Variants in CHAT observed in about 807,000 individuals in gnomAD.
The protein encoded by CHAT is acetyl CoA:choline O-acetyltransferase.
A neutral mutation model predicts 76.9 loss-of-function variants in CHAT; 61 were observed. That is an observed-to-expected ratio of 0.79 (90% CI 0.65 to 0.98). CHAT has a LOEUF of 0.98. CHAT is among the 50% of genes least tolerant of loss of function. CHAT has a pLI of 0.00. For missense variants in CHAT, 946 were observed against 986.9 expected (o/e 0.96, Z 0.56); for synonymous variants, 407 against 397.4 (o/e 1.02, Z -0.29).
intron 7 of CHAT, among the ~76,000 whole-genome samples, chr10:49,645,894 C>G (rs1370653832): frequency 6.6e-6 from 1 of 152,186 alleles, no homozygotes; most frequent in Non-Finnish European, 1.5e-5. Context: ...ACAAGCTCAT[C>G]CAGATGTGGG....
upstream of CHAT, chr10:49,611,738 C>T (rs1838302907): frequency 1.2e-6 from 2 of 1,605,116 alleles, no homozygotes; most frequent in Non-Finnish European, 1.7e-6. Context: ...GCCTGGCTGC[C>T]GGCCTTCGTG....
chr10:49,622,287 C>A, intron 5 of CHAT, 137 bp downstream of exon 5: 1 of 892,836 alleles, frequency 1.1e-6, no homozygotes, highest in Non-Finnish European at 1.9e-6. Context: ...CTGCCCCAAC[C>A]CACTCCCCCA....
rs1437809529 is a variant in CHAT at position 49,616,510 on chromosome 10, C to A, written c.295C>A (p.Leu99Ile). ...CACTTCTTGGTCCCCAGGTCCACACCTCTGCATCCCTGCACCAGGACTCAC... is the reference window on the plus strand; with the variant it reads ...CACTTCTTGGTCCCCAGGTCCACACATCTGCATCCCTGCACCAGGACTCAC... Reference protein sequence around the residue: ...AAEPRRAGPHLCIPAPGLTKT... With the variant: ...AAEPRRAGPHICIPAPGLTKT... Residue 99 changes from leucine (L) to isoleucine (I), a missense_variant, in exon 2 of 15, where the codon CTC becomes ATC. Leu to Ile is a conservative substitution (Grantham distance 5, BLOSUM62 2). Coordinates refer to ENST00000337653, the MANE Select transcript of CHAT (RefSeq NM_020549.5). 6.2e-7 allele frequency: 1 copy of A among 1,611,838 alleles called. No homozygotes were observed. Among genetic ancestry groups the A allele is most frequent in the Non-Finnish European group, 8.5e-7 (1 of 1,178,860 alleles).
upstream of CHAT, chr10:49,611,518 C>A (rs763428286): frequency 6.2e-7 from 1 of 1,601,772 alleles, no homozygotes; most frequent in South Asian, 1.1e-5. Context: ...GCTGTTGCTG[C>A]TGGCAGTGGC....
intron 6 of CHAT, among the ~76,000 whole-genome samples, chr10:49,627,352 A>G (rs1284022675): frequency 6.6e-6 from 1 of 152,258 alleles, no homozygotes; most frequent in African/African-American, 2.4e-5. Context: ...CCCCACAAAC[A>G]TAATGGATTC....
chr10:49,634,099 C>T (rs574076518), intron 7 of CHAT, among the ~76,000 whole-genome samples: 8 of 152,344 alleles, frequency 5.3e-5, no homozygotes, highest in Non-Finnish European at 1.2e-4. Flanking sequence ...ATGTGATTTT[C>T]TTGCTCTGGA....
intron 1 of CHAT, 39 bp downstream of exon 1, chr10:49,614,514 G>A: frequency 1.3e-6 from 2 of 1,529,692 alleles, no homozygotes; most frequent in Non-Finnish European, 1.8e-6. Context: ...GGAGCGCGGT[G>A]CCGGGAGCAA....
chr10:49,620,655 C>G (rs762927598), intron 4 of CHAT, 42 bp downstream of exon 4: 6 of 1,489,980 alleles, frequency 4.0e-6, no homozygotes, highest in Non-Finnish European at 5.6e-6. Context: ...GGGGACCCAC[C>G]CAAGGCAGGG....
At chr10:49,626,832 C>T (rs964038015) in intron 6 of CHAT, among the ~76,000 whole-genome samples, 1 of 152,240 alleles carries the variant, frequency 6.6e-6, no homozygotes, top group Non-Finnish European at 1.5e-5. Context: ...AGGCTCTAGC[C>T]TTCAAAGCTA....
chr10:49,610,936 G>A (rs746944100), upstream of CHAT: 17 of 1,610,418 alleles, frequency 1.1e-5, no homozygotes, highest in East Asian at 2.2e-5. Flanking sequence ...CCACATGCGC[G>A]GGGGCGGCGA....
At chr10:49,639,544 C>T (rs61846643) in intron 7 of CHAT, among the ~76,000 whole-genome samples, 21 of 1,170 alleles carry the variant, frequency 0.018, no homozygotes, top group South Asian at 0.1. Context: ...TATATATACA[C>T]ACACACACAC....
intron 7 of CHAT, among the ~76,000 whole-genome samples, 186 bp from the exon 8 acceptor site, chr10:49,646,319 A>G (rs1485474663): frequency 3.3e-5 from 5 of 152,226 alleles, no homozygotes; most frequent in Non-Finnish European, 7.4e-5. Context: ...ACAGAGGCTC[A>G]GGACACTCTG....
chr10:49,621,019 GC>G (rs935589312), intron 4 of CHAT, among the ~76,000 whole-genome samples: 24 of 152,300 alleles, frequency 1.6e-4, no homozygotes, highest in African/African-American at 5.5e-4. Context: ...CTAAACAGAG[GC>G]CCCAGAAGGC....
intron 7 of CHAT, among the ~76,000 whole-genome samples, chr10:49,643,677 A>G (rs1008871017): frequency 4.6e-5 from 7 of 152,178 alleles, no homozygotes; most frequent in Non-Finnish European, 1.0e-4. Context: ...CAAAGCCTCA[A>G]AAGTAGTTGG....
intron 5 of CHAT, among the ~76,000 whole-genome samples, chr10:49,623,742 A>G (rs915002807): frequency 3.9e-5 from 6 of 152,172 alleles, no homozygotes; most frequent in Non-Finnish European, 7.3e-5. Flanking sequence ...GCACCAGCAC[A>G]TGCCCTGTTG....
chr10:49,631,825 G>C (rs1238342731), intron 7 of CHAT, among the ~76,000 whole-genome samples: 1 of 152,126 alleles, frequency 6.6e-6, no homozygotes, highest in Non-Finnish European at 1.5e-5. Context: ...TGGAGACTGG[G>C]CGTCCACATG....
chr10:49,655,934 A>T (rs1840020619), intron 13 of CHAT, among the ~76,000 whole-genome samples: 1 of 152,090 alleles, frequency 6.6e-6, no homozygotes, highest in Non-Finnish European at 1.5e-5. Context: ...GGGAAATCAA[A>T]CTTGCAAGGG....
upstream of CHAT, chr10:49,610,531 A>C: frequency 2.2e-6 from 1 of 455,578 alleles, no homozygotes; most frequent in Non-Finnish European, 3.7e-6. Flanking sequence ...GGGTCCCGGG[A>C]TCGGCTAAGA....
intron 7 of CHAT, among the ~76,000 whole-genome samples, chr10:49,628,120 A>G (rs1048014677): frequency 6.6e-6 from 1 of 151,682 alleles, no homozygotes; most frequent in Non-Finnish European, 1.5e-5. Context: ...GCGCTCACTG[A>G]TAGTGGCTGG....
Sources: allele counts gnomAD v4.1 joint callset (sites outside exome capture counted in the v4.1 genomes callset), GRCh38; gene constraint gnomAD v4.1.1; transcripts MANE v1.5; gene names NCBI Gene and HGNC (gene_info 2026-07-23, HGNC 2026-07-21).